The following RBM20 variants were observed in gnomAD, a reference collection of about 807,000 sequenced individuals.
RBM20 encodes RNA-binding protein 20.
Under a neutral mutation model 110.1 loss-of-function variants are expected in RBM20, and 51 were observed. The ratio of observed to expected loss-of-function variants is 0.46; its 90% confidence interval spans 0.37 to 0.59. RBM20 has a LOEUF of 0.59. Ranked by LOEUF, RBM20 falls within the 20% of genes least tolerant of loss-of-function variation. The pLI, the probability that RBM20 is intolerant of heterozygous loss-of-function variation, is 0.00. For missense variants in RBM20, 1,512 were observed against 1,574.9 expected, an observed-to-expected ratio of 0.96 and a Z score of 0.68; for synonymous variants, 589 against 618.2, an observed-to-expected ratio of 0.95 and a Z score of 0.70.
At position 110,739,070 on chromosome 10, in the gene RBM20, T is replaced by A. The variant is rs1019041771; in HGVS notation, c.192-41731T>A. On this transcript the variant is annotated intron_variant, in intron 1 of 13. Coordinates refer to ENST00000369519, the MANE Select transcript of RBM20 (RefSeq NM_001134363.3). This position sits in a 1 kb window ranked among gnomAD's most constrained non-coding sequence, Gnocchi z 4.1. Reference sequence around the variant, plus strand: ...AGAGTATGGGGAGGTGTCTGGACAGTCAGGAAGTACCTGTCGCAGGTGGCA... The same window carrying A: ...AGAGTATGGGGAGGTGTCTGGACAGACAGGAAGTACCTGTCGCAGGTGGCA... 3.5e-4 allele frequency among the ~76,000 whole-genome samples: 54 copies of A among 152,172 alleles called. No individual in the cohort carries two copies. Among genetic ancestry groups the A allele is most frequent in the African/African-American group, 1.1e-3 (46 of 41,418 alleles).
intron 1 of RBM20, among the ~76,000 whole-genome samples, chr10:110,729,249 G>A (rs916276379): frequency 3.3e-5 from 5 of 152,156 alleles, no homozygotes; most frequent in African/African-American, 1.2e-4. Context: ...TAACTACCAG[G>A]TAATTATTTA....
At chr10:110,658,965 C>T (rs1862063319) in intron 1 of RBM20, among the ~76,000 whole-genome samples, 1 of 152,206 alleles carries the variant, frequency 6.6e-6, no homozygotes, top group Non-Finnish European at 1.5e-5. Flanking sequence ...TCTCCTCTTG[C>T]TTGTCTCCCA....
intron 1 of RBM20, among the ~76,000 whole-genome samples, chr10:110,764,707 C>G (rs183798415): frequency 2.0e-5 from 3 of 152,150 alleles, no homozygotes; most frequent in African/African-American, 7.2e-5. Context: ...ATGCAGAAAG[C>G]TGGTAGAATG....
intron 1 of RBM20, among the ~76,000 whole-genome samples, chr10:110,658,328 T>C (rs190220235): frequency 1.3e-5 from 2 of 152,150 alleles, no homozygotes; most frequent in African/African-American, 4.8e-5. Flanking sequence ...TGCTGGGGGG[T>C]GAGTGAATGG....
At position 110,644,573 on chromosome 10, in the gene RBM20, G is replaced by C. The variant is rs2134792879; in HGVS notation, c.119G>C (p.Gly40Ala). 3 of 1,526,848 alleles carry C rather than the reference G, an allele frequency of 2.0e-6. No individual in the cohort carries two copies. Among genetic ancestry groups the C allele is most frequent in the Non-Finnish European group, 1.8e-6 (2 of 1,140,560 alleles). 94.6% of individuals were successfully genotyped at this position (1,526,848 alleles called of 1,614,324 possible). ...TCCCCGGCACCCTCCGGCCCGCGAG[G>C]GATGCAGCAGCCGCCGCCGCCGCCC... ...RASPAPSGPR[G>A]MQQPPPPPQP... Residue 40 changes from glycine to alanine, a missense_variant, in exon 1 of 14, where the codon GGG (glycine) becomes GCG (alanine). Around this residue, in one of 3 missense-constraint regions of RBM20, gnomAD observed 1,149 missense variants for 1,169.4 expected, o/e 0.98. Transcript: ENST00000369519. This position sits in a 1 kb window ranked among gnomAD's most constrained non-coding sequence, Gnocchi z 4.3.
At chr10:110,824,847 C>T (rs1844963047) in intron 12 of RBM20, among the ~76,000 whole-genome samples, 1 of 152,162 alleles carries the variant, frequency 6.6e-6, no homozygotes, top group African/African-American at 2.4e-5. Context: ...GAAAGTGTCA[C>T]AAGGAAGCAT....
chr10:110,669,304 A>G (rs1362499128), intron 1 of RBM20, among the ~76,000 whole-genome samples: 1 of 151,474 alleles, frequency 6.6e-6, no homozygotes, highest in Non-Finnish European at 1.5e-5. Context: ...GTGGCGGGGT[A>G]GGGGGGACAG....
chr10:110,737,547 C>T (rs1843684804), intron 1 of RBM20, among the ~76,000 whole-genome samples: 1 of 152,072 alleles, frequency 6.6e-6, no homozygotes, highest in Non-Finnish European at 1.5e-5. Flanking sequence ...GAACAAGTGG[C>T]TACCTTTTGA....
In RBM20 at chr10:110,763,752, T is replaced by C. The variant is rs4918584; in HGVS notation, c.192-17049T>C. Among the ~76,000 whole-genome samples, 337 of 36,290 alleles carry C rather than the reference T, an allele frequency of 9.3e-3. 8 individuals are homozygous for C. Among genetic ancestry groups the C allele is most frequent in the Non-Finnish European group, 0.014 (192 of 14,184 alleles). 23.8% of individuals were successfully genotyped at this position (36,290 alleles called of 152,430 possible). ...TCCTCACAGAGAGGGGCTTCTTGGC[T>C]TTTTTTTTTTTTTTTTTTTTTTTGG... On this transcript the variant is annotated intron_variant, in intron 1 of 13. Coordinates refer to ENST00000369519, the MANE Select transcript of RBM20 (RefSeq NM_001134363.3).
intron 1 of RBM20, among the ~76,000 whole-genome samples, chr10:110,706,099 T>G (rs189963600): frequency 3.4e-4 from 51 of 151,222 alleles, no homozygotes; most frequent in African/African-American, 1.2e-3. Flanking sequence ...AAAGAAAAAA[T>G]AAAAGAACTG....
At position 110,835,942 on chromosome 10, in the gene RBM20, C is replaced by T. The variant is rs554167951; in HGVS notation, c.3648C>T (p.Ser1216=). The change falls in exon 14 of 14, where the codon AGC becomes AGT. Residue 1216 remains serine (S), a synonymous_variant. Coordinates refer to ENST00000369519, the MANE Select transcript of RBM20 (RefSeq NM_001134363.3). ...EGADSPRPED[S]GIVPRFERKK... Reference sequence around the variant, plus strand: ...CAGATAGCCCGAGGCCAGAGGACAGCGGAATCGTGCCACGCTTCGAAAGGA... The same window carrying T: ...CAGATAGCCCGAGGCCAGAGGACAGTGGAATCGTGCCACGCTTCGAAAGGA... 9.6e-5 allele frequency: 134 copies of T among 1,394,512 alleles called. No individual in the cohort carries two copies. Among genetic ancestry groups the T allele is most frequent in the Admixed American group, 8.3e-4 (41 of 49,366 alleles). The allele number at this position is 1,394,512 out of a possible 1,614,324, so 86.4% of individuals were successfully genotyped here.
At chr10:110,775,364 C>T (rs536023777) in intron 1 of RBM20, among the ~76,000 whole-genome samples, 3 of 152,286 alleles carry the variant, frequency 2.0e-5, no homozygotes, top group South Asian at 4.1e-4. Flanking sequence ...CAGATGTGGC[C>T]GGTGCATGAG....
intron 1 of RBM20, among the ~76,000 whole-genome samples, chr10:110,667,792 C>G (rs1397298389): frequency 6.6e-6 from 1 of 152,164 alleles, no homozygotes; most frequent in Non-Finnish European, 1.5e-5. Flanking sequence ...GAGTGCCTCA[C>G]TGATCACAAA....
In RBM20 at chr10:110,838,855, T is replaced by G. The variant is rs948390457; in HGVS notation, c.*2877T>G. Reference sequence around the variant, plus strand: ...CTTGTGTGTACATACGTATTTATTTTTATTTATTTTTATACAATTCCATTG... The same window carrying G: ...CTTGTGTGTACATACGTATTTATTTGTATTTATTTTTATACAATTCCATTG... On this transcript the variant is annotated 3_prime_UTR_variant, in exon 14 of 14. Coordinates refer to ENST00000369519, the MANE Select transcript of RBM20 (RefSeq NM_001134363.3). 9.9e-5 allele frequency: 15 copies of G among 152,266 alleles called. No homozygotes were observed. The highest frequency in any genetic ancestry group is 2.1e-4 in the Non-Finnish European group (14 of 68,048). 9.4% of individuals were successfully genotyped at this position (152,266 alleles called of 1,614,324 possible). A position where few individuals can be genotyped will look rare whatever the true frequency, so the allele number is the denominator to read the frequency against.
chr10:110,727,300 G>A (rs1378111915), intron 1 of RBM20, among the ~76,000 whole-genome samples: 1 of 149,460 alleles, frequency 6.7e-6, no homozygotes, highest in African/African-American at 2.5e-5. Flanking sequence ...ATTCACGCAC[G>A]GTTTATTCTG....
At chr10:110,655,494 T>C (rs954728552) in intron 1 of RBM20, among the ~76,000 whole-genome samples, 1 of 152,176 alleles carries the variant, frequency 6.6e-6, no homozygotes, top group Non-Finnish European at 1.5e-5. Flanking sequence ...ACAGACACGA[T>C]AGTTTGATTT....
chr10:110,656,465 CATG>C (rs1862027846), intron 1 of RBM20, among the ~76,000 whole-genome samples: 1 of 123,792 alleles, frequency 8.1e-6, no homozygotes, highest in Non-Finnish European at 1.6e-5. Flanking sequence ...AGTATGTACT[CATG>C]TGTGTGTGTG....
intron 1 of RBM20, among the ~76,000 whole-genome samples, chr10:110,656,175 G>A (rs896520408): frequency 3.9e-5 from 6 of 152,024 alleles, no homozygotes; most frequent in Admixed American, 1.3e-4. Flanking sequence ...GGTGGTGGGC[G>A]CCTGAAATCC....
intron 1 of RBM20, chr10:110,756,664 T>A (rs1419214904): frequency 6.6e-6 from 1 of 152,236 alleles, no homozygotes; most frequent in Non-Finnish European, 1.5e-5. Flanking sequence ...CTTCTCTGTT[T>A]AAGACTTAGC....
Sources: gnomAD v4.1 joint callset for allele counts (sites outside exome capture counted in the v4.1 genomes callset) on GRCh38, gnomAD v4.1.1 for gene constraint, gnomAD v4.1.1 regional missense constraint, Gnocchi (gnomAD v3.1) non-coding constraint, MANE v1.5 for transcripts, NCBI Gene and HGNC (gene_info 2026-07-23, HGNC 2026-07-21) for gene names.